Variants in ZNF346 observed in about 807,000 individuals in gnomAD.
ZNF346 encodes the protein zinc finger protein 346, also known as double-stranded RNA-binding zinc finger protein JAZ.
Under a neutral mutation model 33.7 loss-of-function variants are expected in ZNF346, and 23 were observed. That is an observed-to-expected ratio of 0.68 (90% CI 0.49 to 0.97). The LOEUF (loss-of-function observed/expected upper bound fraction) is 0.97, where lower values mean the gene tolerates loss of function less well. ZNF346 is among the 50% of genes least tolerant of loss of function. The pLI is 0.00. For missense variants in ZNF346, 340 were observed against 371.1 expected (o/e 0.92, Z 0.69); for synonymous variants, 134 against 142.4 (o/e 0.94, Z 0.42).
At chr5:177,033,129 G>A (rs575602710) in intron 1 of ZNF346, among the ~76,000 whole-genome samples, 65 of 152,306 alleles carry the variant, frequency 4.3e-4, no homozygotes, top group Non-Finnish European at 7.9e-4. Context: ...CAGCTGAAGT[G>A]CAGTGGCGCA....
Position 177,044,456 on chromosome 5 carries a change from T to C in ZNF346, c.440T>C (p.Val147Ala), listed in dbSNP as rs1330771710. Residue 147 changes from valine (V) to alanine (A), a missense_variant, in exon 4 of 7, where the codon GTC becomes GCC. By Grantham distance (64) the Val-to-Ala change is moderately conservative. Coordinates refer to ENST00000358149, the MANE Select transcript of ZNF346 (RefSeq NM_012279.4). ...PICNMTFSSP[V>A]VAQSHYLGKT... ...TGTAACATGACCTTTTCCTCCCCTG[T>C]CGTGGCCCAGTCGCACTACCTGGGG... 6.2e-7 allele frequency: 1 copy of C among 1,614,108 alleles called. No individual in the cohort carries two copies. The highest frequency in any genetic ancestry group is 2.2e-5 in the East Asian group (1 of 44,880).
chr5:177,062,193 G>C (rs200697426), intron 6 of ZNF346, 42 bp downstream of exon 6: 12 of 1,541,016 alleles, frequency 7.8e-6, no homozygotes, highest in Non-Finnish European at 1.1e-5. Flanking sequence ...CATAGCAGGA[G>C]CTCAGGACTT....
intron 1 of ZNF346, among the ~76,000 whole-genome samples, chr5:177,030,747 T>C (rs1038936242): frequency 1.3e-5 from 2 of 152,084 alleles, no homozygotes; most frequent in Non-Finnish European, 2.9e-5. Context: ...TAGAACATTT[T>C]CATCACCCCA....
chr5:177,051,131 T>G (rs1780802830), intron 5 of ZNF346, among the ~76,000 whole-genome samples, 195 bp downstream of exon 5: 1 of 151,884 alleles, frequency 6.6e-6, no homozygotes, highest in African/African-American at 2.4e-5. Context: ...TGAATGCCAT[T>G]CCTACTCAGC....
Position 177,041,172 on chromosome 5 carries a change from G to C in ZNF346, c.222G>C (p.Gln74His). Reference sequence around the variant, plus strand: ...ACCAATGTCTCTTCACCAACACCCAGTGTAAGGTTTGCTGCGCCTTGCTTA... The same window carrying C: ...ACCAATGTCTCTTCACCAACACCCACTGTAAGGTTTGCTGCGCCTTGCTTA... ...QKNQCLFTNT[Q>H]CKVCCALLIS... is the part of the protein sequence containing the mutation. The change falls in exon 2 of 7, where the codon CAG (glutamine) becomes CAC (histidine). Residue 74 changes from glutamine (Q) to histidine (H), a missense_variant. Transcript: ENST00000358149. 6.2e-7 allele frequency: 1 copy of C among 1,614,202 alleles called. No homozygotes were observed. Among genetic ancestry groups the C allele is most frequent in the Non-Finnish European group, 8.5e-7 (1 of 1,180,028 alleles).
chr5:177,023,268 G>A (rs1261901992), intron 1 of ZNF346: 1 of 1,422,756 alleles, frequency 7.0e-7, no homozygotes, highest in African/African-American at 1.4e-5. Flanking sequence ...ACCACTCCTT[G>A]ACTCCCCATC....
At chr5:177,045,660 C>CT (rs35668419) in intron 4 of ZNF346, among the ~76,000 whole-genome samples, 4 of 150,984 alleles carry the variant, frequency 2.6e-5, no homozygotes, top group Admixed American at 2.0e-4. Context: ...CGGCCAAAAC[C>CT]TTTTTTTTTA....
chr5:177,064,821 T>G lies in ZNF346; in HGVS notation c.*222T>G. Reference sequence around the variant, plus strand: ...GTCATGACAGGGGAGGCAAGGGTATTGAGAGACTCGGGGTCTCGCGGGGTG... The same window carrying G: ...GTCATGACAGGGGAGGCAAGGGTATGGAGAGACTCGGGGTCTCGCGGGGTG... On this transcript the variant is annotated 3_prime_UTR_variant, in exon 7 of 7. Coordinates refer to ENST00000358149, the MANE Select transcript of ZNF346 (RefSeq NM_012279.4). 1 of 550,592 alleles carries G rather than the reference T, an allele frequency of 1.8e-6. No homozygotes were observed. Among genetic ancestry groups the G allele is most frequent in the South Asian group, 2.5e-5 (1 of 40,794 alleles). The allele number at this position is 550,592 out of a possible 1,614,324, so 34.1% of individuals were successfully genotyped here. A position where few individuals can be genotyped will look rare whatever the true frequency, so the allele number is the denominator to read the frequency against.
At chr5:177,027,234 G>T (rs909880963) in intron 1 of ZNF346, among the ~76,000 whole-genome samples, 1 of 151,432 alleles carries the variant, frequency 6.6e-6, no homozygotes, top group Non-Finnish European at 1.5e-5. Context: ...TGTATTTTTC[G>T]TAGAGACGGA....
intron 1 of ZNF346, among the ~76,000 whole-genome samples, chr5:177,040,298 A>G (rs1440394085): frequency 6.6e-6 from 1 of 152,166 alleles, no homozygotes; most frequent in African/African-American, 2.4e-5. Context: ...ACAGGTTAAT[A>G]CCATGTTTCA....
intron 1 of ZNF346, among the ~76,000 whole-genome samples, chr5:177,030,728 G>C (rs1262881438): frequency 6.6e-6 from 1 of 151,910 alleles, no homozygotes; most frequent in African/African-American, 2.4e-5. Flanking sequence ...CATCACCACT[G>C]TCTAATTTTA....
chr5:177,045,099 C>T (rs1376713319), intron 4 of ZNF346, among the ~76,000 whole-genome samples: 3 of 152,226 alleles, frequency 2.0e-5, no homozygotes, highest in Admixed American at 6.5e-5. Flanking sequence ...AAATAGCCCC[C>T]TTTATCTCGT....
chr5:177,067,667 C>T lies in ZNF346; in HGVS notation c.*3068C>T, dbSNP rs1307263625. Among the ~76,000 whole-genome samples the T allele has an allele frequency of 6.6e-6, 1 of 152,196 alleles. No homozygotes were observed. Among genetic ancestry groups the T allele is most frequent in the Non-Finnish European group, 1.5e-5 (1 of 68,036 alleles). ...ACACTTTCTTGCCCTTAGGGGTTCACACACAGTCAAAGATCATGATGACAA... is the reference window on the plus strand; with the variant it reads ...ACACTTTCTTGCCCTTAGGGGTTCATACACAGTCAAAGATCATGATGACAA... On this transcript the variant is annotated 3_prime_UTR_variant, in exon 7 of 7. Transcript: ENST00000358149.
At position 177,064,542 on chromosome 5, in the gene ZNF346, C is replaced by T. The variant is rs1360440275; in HGVS notation, c.828C>T (p.Gly276=). The part of the protein sequence containing the change: ...QSPKTVASSL[G]QIPMQRQPIQ... The stretch of plus-strand genomic sequence containing the variant: ...CAAAAACAGTGGCATCATCCCTGGG[C>T]CAGATTCCAATGCAAAGGCAACCCA... The change falls in exon 7 of 7, where the codon GGC becomes GGT. Residue 276 remains glycine, a synonymous_variant. Coordinates refer to ENST00000358149, the MANE Select transcript of ZNF346 (RefSeq NM_012279.4). 1 of 1,614,198 alleles carries T rather than the reference C, an allele frequency of 6.2e-7. No individual in the cohort carries two copies.
intron 5 of ZNF346, among the ~76,000 whole-genome samples, chr5:177,057,741 A>G (rs1423003514): frequency 6.6e-6 from 1 of 151,416 alleles, no homozygotes; most frequent in Non-Finnish European, 1.5e-5. Context: ...CTGTCTCAAA[A>G]AAAAAAAAAA....
intron 4 of ZNF346, among the ~76,000 whole-genome samples, chr5:177,045,189 G>A (rs972839627): frequency 2.0e-5 from 3 of 152,172 alleles, no homozygotes; most frequent in African/African-American, 4.8e-5. Flanking sequence ...ATTGCAATTA[G>A]TCAAGAGTGA....
intron 8 of ZNF346, among the ~76,000 whole-genome samples, chr5:177,074,424 AAGAAGAC>A (rs1783647580): frequency 2.0e-5 from 3 of 152,158 alleles, no homozygotes; most frequent in Admixed American, 2.0e-4. Flanking sequence ...TGTCATAGAG[AAGAAGAC>A]AGAAGAGAGA....
chr5:177,057,283 A>T (rs1581929986), intron 5 of ZNF346, among the ~76,000 whole-genome samples: 1 of 152,008 alleles, frequency 6.6e-6, no homozygotes, highest in African/African-American at 2.4e-5. Context: ...GACAAAAGTG[A>T]AACTCTGTCT....
At chr5:177,049,780 A>G (rs1439221462) in intron 4 of ZNF346, among the ~76,000 whole-genome samples, 2 of 151,858 alleles carry the variant, frequency 1.3e-5, no homozygotes, top group Non-Finnish European at 2.9e-5. Flanking sequence ...AGTGATACCT[A>G]CCTCATTGGG....
Sources: gnomAD v4.1 joint callset for allele counts (sites outside exome capture counted in the v4.1 genomes callset) on GRCh38, gnomAD v4.1.1 for gene constraint, MANE v1.5 for transcripts, NCBI Gene and HGNC (gene_info 2026-07-23, HGNC 2026-07-21) for gene names.